Variants in AFAP1L1 observed in about 807,000 individuals in gnomAD.
AFAP1L1 encodes actin filament-associated protein 1-like 1.
A neutral mutation model predicts 99.8 loss-of-function variants in AFAP1L1; 77 were observed. That is an observed-to-expected ratio of 0.77 (90% CI 0.64 to 0.93). The LOEUF is 0.93. AFAP1L1 is among the 40% of genes least tolerant of loss of function. The pLI, the probability that AFAP1L1 is intolerant of heterozygous loss-of-function variation, is 0.00. For missense variants in AFAP1L1, 893 were observed against 996.8 expected, an observed-to-expected ratio of 0.90 and a Z score of 1.40; for synonymous variants, 373 against 395.3, an observed-to-expected ratio of 0.94 and a Z score of 0.67.
intron 1 of AFAP1L1, among the ~76,000 whole-genome samples, chr5:149,272,438 G>A (rs1755152248): frequency 6.6e-6 from 1 of 152,134 alleles, no homozygotes; most frequent in Non-Finnish European, 1.5e-5. Context: ...GGAGCGCCGT[G>A]AGCAGGCGCG....
At chr5:149,288,194 TA>T in intron 1 of AFAP1L1, among the ~76,000 whole-genome samples, 1 of 152,254 alleles carries the variant, frequency 6.6e-6, no homozygotes, top group East Asian at 1.9e-4. Context: ...GCTTTGCAGG[TA>T]GGAGACACCT....
rs199919547 is a variant in AFAP1L1, at chr5:149,301,100, G to T, written c.230-33G>T. The T allele has an allele frequency of 1.7e-3, 2,728 of 1,604,846 alleles. 3 individuals are homozygous for T. Among genetic ancestry groups the T allele is most frequent in the Non-Finnish European group, 2.1e-3 (2,406 of 1,172,358 alleles). ...CCCTGGTCTGTGCTGCTCATCCTTGGCTTTCTTTGCCCAATGGCCTGTCCC... is the reference window on the plus strand; with the variant it reads ...CCCTGGTCTGTGCTGCTCATCCTTGTCTTTCTTTGCCCAATGGCCTGTCCC... On this transcript the variant is annotated intron_variant, in intron 3 of 18. Coordinates refer to ENST00000296721, the MANE Select transcript of AFAP1L1 (RefSeq NM_152406.4).
intron 5 of AFAP1L1, among the ~76,000 whole-genome samples, chr5:149,302,912 G>A (rs989417735): frequency 3.9e-5 from 6 of 152,158 alleles, no homozygotes; most frequent in Non-Finnish European, 1.5e-5. Flanking sequence ...GCTAACCCAA[G>A]TGCTCCTCTT....
In AFAP1L1 at chr5:149,342,209, A is replaced by G. The variant is rs566757809; in HGVS notation, c.*2179A>G. Among the ~76,000 whole-genome samples the G allele has an allele frequency of 2.2e-4, 34 of 152,192 alleles. No individual in the cohort carries two copies. The highest frequency in any genetic ancestry group is 4.9e-4 in the Non-Finnish European group (33 of 68,038). The stretch of plus-strand genomic sequence containing the variant: ...CTTTTCCTTTTGCCCTTTAAATTAG[A>G]TAGCCAGTCCTGGTGCTAACTAACC... On this transcript the variant is annotated 3_prime_UTR_variant, in exon 19 of 19. Coordinates refer to ENST00000296721, the MANE Select transcript of AFAP1L1 (RefSeq NM_152406.4).
At chr5:149,335,457 C>G in intron 17 of AFAP1L1, 137 bp from the exon 18 acceptor site, 1 of 1,204,900 alleles carries the variant, frequency 8.3e-7, no homozygotes. Context: ...CACTGCGCTC[C>G]CGCCTGGGTG....
In AFAP1L1 at chr5:149,320,245, A is replaced by T; in HGVS notation, c.1626-146A>T. On this transcript the variant is annotated intron_variant, in intron 13 of 18. Coordinates refer to ENST00000296721, the MANE Select transcript of AFAP1L1 (RefSeq NM_152406.4). The surrounding 1 kb of genome is among the most constrained non-coding windows in gnomAD (Gnocchi z 4.0). Reference sequence around the variant, plus strand: ...GACGCCCTAACACAGCCCATGACACAATGCTGCCTGCCATCTTGCTTTTAC... The same window carrying T: ...GACGCCCTAACACAGCCCATGACACTATGCTGCCTGCCATCTTGCTTTTAC... 1 of 739,604 alleles carries T rather than the reference A, an allele frequency of 1.4e-6. No individual in the cohort carries two copies. Among genetic ancestry groups the T allele is most frequent in the Non-Finnish European group, 2.3e-6 (1 of 434,724 alleles). The allele number at this position is 739,604 out of a possible 1,614,324, so 45.8% of individuals were successfully genotyped here.
chr5:149,312,294 A>C, intron 9 of AFAP1L1, 90 bp downstream of exon 9: 1 of 1,325,780 alleles, frequency 7.5e-7, no homozygotes, highest in Non-Finnish European at 1.1e-6. Flanking sequence ...GCTGGGGGGA[A>C]AGTCAGGCAA....
chr5:149,306,471 C>A, intron 6 of AFAP1L1, 67 bp downstream of exon 6: 1 of 1,440,302 alleles, frequency 6.9e-7, no homozygotes, highest in Non-Finnish European at 9.5e-7. Flanking sequence ...AGGCCTTGTC[C>A]TGGCCCTTAG....
At chr5:149,287,088 G>A (rs1454812211) in intron 1 of AFAP1L1, among the ~76,000 whole-genome samples, 2 of 152,100 alleles carry the variant, frequency 1.3e-5, no homozygotes, top group African/African-American at 4.8e-5. Context: ...CTGAGTGTTA[G>A]GCACAGAGAA....
chr5:149,327,016 C>T (rs1009709518), intron 15 of AFAP1L1, among the ~76,000 whole-genome samples: 10 of 152,140 alleles, frequency 6.6e-5, no homozygotes, highest in South Asian at 2.1e-4. Flanking sequence ...AATATATTCT[C>T]GAAAATGACC....
chr5:149,320,240 G>T lies in AFAP1L1; in HGVS notation c.1626-151G>T. ...TCTGTGACGCCCTAACACAGCCCAT[G>T]ACACAATGCTGCCTGCCATCTTGCT... On this transcript the variant is annotated intron_variant, in intron 13 of 18. Coordinates refer to ENST00000296721, the MANE Select transcript of AFAP1L1 (RefSeq NM_152406.4). This position sits in a 1 kb window ranked among gnomAD's most constrained non-coding sequence, Gnocchi z 4.0. The T allele has an allele frequency of 1.4e-6, 1 of 719,958 alleles. No homozygotes were observed. The highest frequency in any genetic ancestry group is 2.4e-6 in the Non-Finnish European group (1 of 419,054). The allele number at this position is 719,958 out of a possible 1,614,324, so 44.6% of individuals were successfully genotyped here.
chr5:149,307,394 G>C lies in AFAP1L1; in HGVS notation c.536-8G>C. On this transcript the variant is annotated splice_polypyrimidine_tract_variant and splice_region_variant and intron_variant, in intron 6 of 18. Transcript: ENST00000296721. Reference sequence around the variant, plus strand: ...ACAGTGATGGATCCTTTCCCGTGACGCCTGCAGATAATGACTCTGACGCAA... The same window carrying C: ...ACAGTGATGGATCCTTTCCCGTGACCCCTGCAGATAATGACTCTGACGCAA... 6.2e-7 allele frequency: 1 copy of C among 1,613,920 alleles called. No individual in the cohort carries two copies. The highest frequency in any genetic ancestry group is 8.5e-7 in the Non-Finnish European group (1 of 1,179,900).
At chr5:149,312,704 A>T (rs1171589934) in intron 9 of AFAP1L1, among the ~76,000 whole-genome samples, 3 of 151,078 alleles carry the variant, frequency 2.0e-5, no homozygotes, top group Admixed American at 6.6e-5. Context: ...TAGGAGACTT[A>T]CTTGAGCCTG....
At chr5:149,305,920 A>C (rs1386311593) in intron 5 of AFAP1L1, among the ~76,000 whole-genome samples, 1 of 128,816 alleles carries the variant, frequency 7.8e-6, no homozygotes, top group African/African-American at 2.9e-5. Context: ...ACACACACAC[A>C]CCATGCACAC....
chr5:149,303,999 G>A (rs190994195), intron 5 of AFAP1L1, among the ~76,000 whole-genome samples: 1 of 152,240 alleles, frequency 6.6e-6, no homozygotes, highest in African/African-American at 2.4e-5. Flanking sequence ...CACCCCAGAA[G>A]GAAGCCCATA....
At chr5:149,282,866 G>T (rs1246968002) in intron 1 of AFAP1L1, among the ~76,000 whole-genome samples, 2 of 152,234 alleles carry the variant, frequency 1.3e-5, no homozygotes, top group Non-Finnish European at 2.9e-5. Context: ...TTCAAGAGTA[G>T]TGTTGGGAAG....
intron 1 of AFAP1L1, among the ~76,000 whole-genome samples, chr5:149,277,226 A>G (rs1315293837): frequency 1.3e-5 from 2 of 152,154 alleles, no homozygotes; most frequent in Non-Finnish European, 2.9e-5. Context: ...CCAAGACAGG[A>G]ATTTCTTTTG....
At chr5:149,312,062 A>T (rs903823520) in intron 8 of AFAP1L1, 50 bp from the exon 9 acceptor site, 20 of 1,552,682 alleles carry the variant, frequency 1.3e-5, no homozygotes, top group Non-Finnish European at 1.7e-5. Context: ...CTTCCTTTGC[A>T]TCAACAGCTT....
intron 7 of AFAP1L1, 25 bp downstream of exon 7, chr5:149,307,638 G>A: frequency 6.2e-7 from 1 of 1,608,882 alleles, no homozygotes; most frequent in African/African-American, 1.3e-5. Flanking sequence ...GCAGCCATGT[G>A]CCTCGGCCTC....
Sources: allele counts gnomAD v4.1 joint callset (sites outside exome capture counted in the v4.1 genomes callset), GRCh38; gene constraint gnomAD v4.1.1; non-coding constraint Gnocchi (gnomAD v3.1); transcripts MANE v1.5; gene names NCBI Gene and HGNC (gene_info 2026-07-23, HGNC 2026-07-21).